The following SIGLEC1 variants were observed in gnomAD, a reference collection of about 807,000 sequenced individuals.
SIGLEC1 encodes sialic acid binding Ig like lectin 1.
SIGLEC1 carries 132 observed loss-of-function variants against 148.0 expected under a neutral mutation model. The ratio of observed to expected loss-of-function variants is 0.89; its 90% CI spans 0.77 to 1.03. SIGLEC1 has a LOEUF of 1.03. Ranked by LOEUF, SIGLEC1 falls within the 50% of genes least tolerant of loss-of-function variation. The pLI is 0.00. For missense variants in SIGLEC1, 2,253 were observed against 2,271.4 expected (o/e 0.99, Z 0.16); for synonymous variants, 945 against 969.0 (o/e 0.98, Z 0.46).
chr20:3,699,114 G>T (rs1330765616), intron 8 of SIGLEC1, 88 bp downstream of exon 8: 4 of 1,470,860 alleles, frequency 2.7e-6, no homozygotes, highest in South Asian at 1.2e-5. Flanking sequence ...AGACCGTGGG[G>T]CAGGGCAGGA....
At position 3,690,221 on chromosome 20, in the gene SIGLEC1, C is replaced by T. The variant is rs757171944; in HGVS notation, c.4635G>A (p.Glu1545=). The T allele has an allele frequency of 6.4e-7, 1 of 1,554,130 alleles. No homozygotes were observed. The highest frequency in any genetic ancestry group is 8.7e-7 in the Non-Finnish European group (1 of 1,149,334). The change falls in exon 19 of 22, where the codon GAG becomes GAA. Residue 1545 remains glutamate, a synonymous_variant. Transcript: ENST00000344754. ...TPTMMVFVEP[E]GGLRGILDCR... Reference sequence around the variant, plus strand: ...AATCCAGGATGCCCCGGAGGCCACCCTCAGGCTCCACGAAGACCATCATGG... The same window carrying T: ...AATCCAGGATGCCCCGGAGGCCACCTTCAGGCTCCACGAAGACCATCATGG...
Position 3,696,629 on chromosome 20 carries a change from A to G in SIGLEC1, c.2640T>C (p.Asn880=), listed in dbSNP as rs779567273. 11 of 1,613,610 alleles carry G rather than the reference A, an allele frequency of 6.8e-6. No homozygotes were observed. Among genetic ancestry groups the G allele is most frequent in the Non-Finnish European group, 9.3e-6 (11 of 1,179,918 alleles). The change falls in exon 11 of 22, where the codon AAT becomes AAC. Residue 880 remains asparagine, a synonymous_variant. Transcript: ENST00000344754. ...GTGAGGTGTTGGATGATCCAAGAACATTTGTGGCCTCACAGCGGTAGCTGC... is the reference window on the plus strand; with the variant it reads ...GTGAGGTGTTGGATGATCCAAGAACGTTTGTGGCCTCACAGCGGTAGCTGC... The part of the protein sequence containing the change: ...DSGSYRCEAT[N]VLGSSNTSLF...
At chr20:3,708,105 C>T (rs927091133) in intron 1 of SIGLEC1, among the ~76,000 whole-genome samples, 2 of 152,162 alleles carry the variant, frequency 1.3e-5, no homozygotes, top group African/African-American at 2.4e-5. Flanking sequence ...GGGGTGAGGT[C>T]TTTAGGGGTT....
Position 3,710,406 on chromosome 20 carries a change from G to A in SIGLEC1, c.-110+2064C>T, listed in dbSNP as rs1273473813. Among the ~76,000 whole-genome samples, 1 of 152,222 alleles carries A rather than the reference G, an allele frequency of 6.6e-6. No homozygotes were observed. Among genetic ancestry groups the A allele is most frequent in the Non-Finnish European group, 1.5e-5 (1 of 68,026 alleles). On this transcript the variant is annotated intron_variant, in intron 1 of 21. Coordinates refer to ENST00000344754, the MANE Select transcript of SIGLEC1 (RefSeq NM_023068.4). The surrounding 1 kb of genome is among the most constrained non-coding windows in gnomAD (Gnocchi z 4.6). ...GACCCAGCCCTCTCGCAGGCTGCTG[G>A]AGTGGACTGATCTGGCCATTTATGG...
intron 4 of SIGLEC1, among the ~76,000 whole-genome samples, chr20:3,704,670 G>A (rs2087879481): frequency 6.6e-6 from 1 of 152,252 alleles, no homozygotes; most frequent in Non-Finnish European, 1.5e-5. Context: ...AAGCTGGAGT[G>A]CAGAGGCACA....
intron 18 of SIGLEC1, among the ~76,000 whole-genome samples, 168 bp from the exon 19 acceptor site, chr20:3,690,432 T>C (rs2088747306): frequency 6.6e-6 from 1 of 152,252 alleles, no homozygotes; most frequent in African/African-American, 2.4e-5. Flanking sequence ...GAAGTGATGT[T>C]GTGCAACTTC....
In SIGLEC1 at chr20:3,694,326, G is replaced by T. The variant is rs145048584; in HGVS notation, c.3151C>A (p.Arg1051Ser). ...LHVAVAPNTL[R>S]LEIHGAMLED... ...AGCATAGCCCCGTGGATCTCCAGAC[G>T]CAGTGTGTTGGGGGCCACAGCCACA... The change falls in exon 13 of 22, where the codon CGT (arginine) becomes AGT (serine). Residue 1051 changes from arginine to serine, a missense_variant. Transcript: ENST00000344754. The T allele has an allele frequency of 1.2e-6, 2 of 1,613,206 alleles. No individual in the cohort carries two copies. The highest frequency in any genetic ancestry group is 1.1e-5 in the South Asian group (1 of 91,090).
Position 3,693,027 on chromosome 20 carries a change from G to T in SIGLEC1, c.3613C>A (p.Leu1205Ile). The change falls in exon 15 of 22, where the codon CTC becomes ATC. Residue 1205 changes from leucine (L) to isoleucine (I), a missense_variant. Coordinates refer to ENST00000344754, the MANE Select transcript of SIGLEC1 (RefSeq NM_023068.4). ...GCCAAGAGGCGACCGGCGTGGCTGA[G>T]GGCCAGCTGGGCGGGCGGGCGGCTG... ...VDSRPPAQLA[L>I]SHAGRLLASS... 1 of 1,611,318 alleles carries T rather than the reference G, an allele frequency of 6.2e-7. No homozygotes were observed. Among genetic ancestry groups the T allele is most frequent in the South Asian group, 1.1e-5 (1 of 91,012 alleles).
chr20:3,687,387 G>A lies in SIGLEC1; in HGVS notation c.*1173C>T, dbSNP rs1399424356. 6.6e-6 allele frequency: 1 copy of A among 152,238 alleles called. No homozygotes were observed. Among genetic ancestry groups the A allele is most frequent in the African/African-American group, 2.4e-5 (1 of 41,436 alleles). 9.4% of individuals were successfully genotyped at this position (152,238 alleles called of 1,614,324 possible). Reference sequence around the variant, plus strand: ...CATGAACAGAGATGCATCTGGAGCAGGAATAAGGATGCTGACAACATCTGT... The same window carrying A: ...CATGAACAGAGATGCATCTGGAGCAAGAATAAGGATGCTGACAACATCTGT... On this transcript the variant is annotated 3_prime_UTR_variant, in exon 22 of 22. Transcript: ENST00000344754.
In SIGLEC1 at chr20:3,689,796, T is replaced by C. The variant is rs984647800; in HGVS notation, c.4895-94A>G. On this transcript the variant is annotated intron_variant, in intron 19 of 21. Coordinates refer to ENST00000344754, the MANE Select transcript of SIGLEC1 (RefSeq NM_023068.4). ...CACCCAAGATGACACCTTCTAACTT[T>C]TGCTTTATCGCTGAAGCTCTCCACA... 3 of 1,291,808 alleles carry C rather than the reference T, an allele frequency of 2.3e-6. No homozygotes were observed. The African/African-American group carries it at 4.4e-5, about 19-fold the overall frequency. The allele number at this position is 1,291,808 out of a possible 1,614,324, so 80.0% of individuals were successfully genotyped here.
chr20:3,699,816 A>AT (rs11444782), intron 7 of SIGLEC1, among the ~76,000 whole-genome samples: 79,265 of 149,372 alleles, frequency 0.53, 21,220 homozygotes, highest in Middle Eastern at 0.57. Context: ...ATCTCAAACA[A>AT]TTTTTTTTTT....
Position 3,691,534 on chromosome 20 carries a change from C to T in SIGLEC1, c.4397G>A (p.Arg1466His), listed in dbSNP as rs772566612. The T allele has an allele frequency of 6.2e-6, 10 of 1,613,072 alleles. 1 individual carries two copies. Among genetic ancestry groups the T allele is most frequent in the South Asian group, 2.2e-5 (2 of 91,084 alleles). Residue 1466 changes from arginine to histidine, a missense_variant, in exon 18 of 22, where the codon CGC (arginine) becomes CAC (histidine). By Grantham distance (29) the Arg-to-His change is conservative (BLOSUM62 0). Coordinates refer to ENST00000344754, the MANE Select transcript of SIGLEC1 (RefSeq NM_023068.4). ...PEGAALNLSC[R>H]LLGGPGPVGN... ...CACAGGCCCAGGGCCACCCAGGAGG[C>T]GGCAGCTGAGGTTCAGGGCAGCGCC...
chr20:3,701,849 C>T (rs1447939825), intron 6 of SIGLEC1, among the ~76,000 whole-genome samples: 2 of 152,156 alleles, frequency 1.3e-5, no homozygotes, highest in African/African-American at 4.8e-5. Flanking sequence ...GTGTTCAAGG[C>T]CACCCTGCAA....
chr20:3,702,793 CAT>C (rs2146529107), intron 6 of SIGLEC1, among the ~76,000 whole-genome samples: 1 of 152,182 alleles, frequency 6.6e-6, no homozygotes, highest in African/African-American at 2.4e-5. Flanking sequence ...CACATGTCCA[CAT>C]AGAGTGGATG....
Position 3,693,296 on chromosome 20 carries a change from G to T in SIGLEC1, c.3508+151C>A. ...CTGCCCAGACAGGACTCACCCCAGC[G>T]CCCCCTACTCTTAATGCTCCTTGCC... On this transcript the variant is annotated intron_variant, in intron 14 of 21. Transcript: ENST00000344754. 4 of 1,155,094 alleles carry T rather than the reference G, an allele frequency of 3.5e-6. No homozygotes were observed. In the South Asian group the frequency reaches 4.8e-5, roughly 14 times the overall value. 71.6% of individuals were successfully genotyped at this position (1,155,094 alleles called of 1,614,324 possible).
chr20:3,700,675 C>A (rs556365169), intron 7 of SIGLEC1, among the ~76,000 whole-genome samples: 2 of 146,812 alleles, frequency 1.4e-5, no homozygotes, highest in African/African-American at 5.0e-5. Flanking sequence ...GTTGGAAGAC[C>A]GTACTTTTCT....
Position 3,693,685 on chromosome 20 carries a change from C to G in SIGLEC1, c.3270G>C (p.Gln1090His). Reference protein sequence around the residue: ...ADFDAQAVNVQVWPGATVREG... With the variant: ...ADFDAQAVNVHVWPGATVREG... ...CCCGCACGGTAGCCCCGGGCCACACCTGCACATTCACAGCTGGGGAGAGGG... is the reference window on the plus strand; with the variant it reads ...CCCGCACGGTAGCCCCGGGCCACACGTGCACATTCACAGCTGGGGAGAGGG... Residue 1090 changes from glutamine (Q) to histidine (H), a missense_variant, in exon 14 of 22, where the codon CAG becomes CAC. Gln to His is a conservative substitution (Grantham distance 24). Transcript: ENST00000344754. 6.3e-7 allele frequency: 1 copy of G among 1,587,712 alleles called. No homozygotes were observed. The highest frequency in any genetic ancestry group is 8.6e-7 in the Non-Finnish European group (1 of 1,165,472).
At chr20:3,711,314 T>C (rs1231572682) in intron 1 of SIGLEC1, among the ~76,000 whole-genome samples, 1 of 152,230 alleles carries the variant, frequency 6.6e-6, no homozygotes, top group Admixed American at 6.5e-5. Context: ...TGGCTTGAGC[T>C]GGCCTGGTAC....
intron 18 of SIGLEC1, among the ~76,000 whole-genome samples, chr20:3,690,531 T>A (rs2088748241): frequency 6.6e-6 from 1 of 152,242 alleles, no homozygotes; most frequent in Non-Finnish European, 1.5e-5. Flanking sequence ...GCTGGGCACA[T>A]GTGGCCCAAC....
Sources: gnomAD v4.1 joint callset for allele counts (sites outside exome capture counted in the v4.1 genomes callset) on GRCh38, gnomAD v4.1.1 for gene constraint, Gnocchi (gnomAD v3.1) non-coding constraint, MANE v1.5 for transcripts, NCBI Gene and HGNC (gene_info 2026-07-23, HGNC 2026-07-21) for gene names.